WWOX: variants seen among roughly 807,000 people sequenced by gnomAD.
WWOX encodes the protein WW domain-containing oxidoreductase.
Under a neutral mutation model 46.2 loss-of-function variants are expected in WWOX, and 69 were observed. That is an observed-to-expected ratio of 1.49 (90% confidence interval 1.23 to 1.82). The LOEUF is 1.82. WWOX is among the 40% of genes most tolerant of loss of function. WWOX has a pLI of 0.00. For missense variants in WWOX, 919 were observed against 542.6 expected (o/e 1.69, Z -6.89); for synonymous variants, 359 against 202.6 (o/e 1.77, Z -6.56).
At chr16:78,787,413 C>T (rs143845318) in intron 8 of WWOX, among the ~76,000 whole-genome samples, 53 of 152,252 alleles carry the variant, frequency 3.5e-4, no homozygotes, top group African/African-American at 1.2e-3. Context: ...TAAATGGAAT[C>T]ACACAATATG....
intron 8 of WWOX, among the ~76,000 whole-genome samples, chr16:78,565,429 C>G (rs1409734857): frequency 6.6e-6 from 1 of 152,210 alleles, no homozygotes; most frequent in African/African-American, 2.4e-5. Flanking sequence ...GCCCCTTCCT[C>G]TGGCTTCAAA....
intron 8 of WWOX, among the ~76,000 whole-genome samples, chr16:78,661,432 T>A (rs941160436): frequency 6.6e-6 from 1 of 152,196 alleles, no homozygotes; most frequent in South Asian, 2.1e-4. Flanking sequence ...ATACATCACA[T>A]TGATTTTCTG....
intron 5 of WWOX, among the ~76,000 whole-genome samples, chr16:78,210,076 T>A (rs1374357252): frequency 6.6e-6 from 1 of 151,880 alleles, no homozygotes; most frequent in South Asian, 2.1e-4. Context: ...GTTGGAAAAA[T>A]GACGTGTGAG....
In WWOX at chr16:78,681,514, G is replaced by C. The variant is rs970938901; in HGVS notation, c.1056+248762G>C. The stretch of plus-strand genomic sequence containing the variant: ...CTTTTAATTATGACTTCAAAAAACA[G>C]GGCTCGTGCCACCCAAGATTTCCTC... On this transcript the variant is annotated intron_variant, in intron 8 of 8. Coordinates refer to ENST00000566780, the MANE Select transcript of WWOX (RefSeq NM_016373.4). 2.0e-5 allele frequency among the ~76,000 whole-genome samples: 3 copies of C among 151,438 alleles called. 1 individual carries two copies. The highest frequency in any genetic ancestry group is 2.9e-5 in the Non-Finnish European group (2 of 67,920).
intron 8 of WWOX, among the ~76,000 whole-genome samples, chr16:79,126,403 T>A (rs1186155759): frequency 1.3e-5 from 2 of 152,158 alleles, no homozygotes; most frequent in Non-Finnish European, 2.9e-5. Context: ...GGTAATTTGA[T>A]CATGGGGGTG....
chr16:78,752,248 T>G (rs2049500413), intron 8 of WWOX, among the ~76,000 whole-genome samples: 1 of 152,242 alleles, frequency 6.6e-6, no homozygotes, highest in African/African-American at 2.4e-5. Flanking sequence ...ATTTTGTCTG[T>G]CAGTGTTAGA....
At chr16:78,735,398 C>A (rs928558541) in intron 8 of WWOX, among the ~76,000 whole-genome samples, 1 of 144,846 alleles carries the variant, frequency 6.9e-6, no homozygotes, top group Non-Finnish European at 1.5e-5. Context: ...CACACAAACA[C>A]ACACACACAC....
chr16:78,800,969 A>G (rs1465330185), intron 8 of WWOX, among the ~76,000 whole-genome samples: 1 of 152,128 alleles, frequency 6.6e-6, no homozygotes, highest in Non-Finnish European at 1.5e-5. Flanking sequence ...AAAAGTGAGC[A>G]TAAATGCAAA....
At chr16:78,490,365 T>C (rs565259898) in intron 8 of WWOX, among the ~76,000 whole-genome samples, 1 of 152,338 alleles carries the variant, frequency 6.6e-6, no homozygotes, top group East Asian at 1.9e-4. Flanking sequence ...TCATGTGTTA[T>C]TCATGTATGT....
chr16:78,103,932 CCAAAGCCCA>C (rs1212337951), intron 1 of WWOX, among the ~76,000 whole-genome samples: 2 of 151,964 alleles, frequency 1.3e-5, no homozygotes, highest in African/African-American at 4.8e-5. Context: ...TCCTAGCACT[CCAAAGCCCA>C]CCAGGGTGGG....
intron 4 of WWOX, among the ~76,000 whole-genome samples, chr16:78,137,650 G>A (rs1389712677): frequency 6.6e-6 from 1 of 152,166 alleles, no homozygotes; most frequent in African/African-American, 2.4e-5. Flanking sequence ...CAGGGAAAAA[G>A]GGTTTGCTTG....
intron 8 of WWOX, among the ~76,000 whole-genome samples, chr16:78,974,863 C>T (rs995052115): frequency 2.6e-5 from 4 of 152,142 alleles, no homozygotes; most frequent in African/African-American, 7.2e-5. Flanking sequence ...GCTTCCTGTC[C>T]ACTGGAGGCC....
intron 5 of WWOX, among the ~76,000 whole-genome samples, chr16:78,306,425 A>G (rs1403427870): frequency 6.6e-6 from 1 of 152,144 alleles, no homozygotes; most frequent in African/African-American, 2.4e-5. Context: ...ACCCTGCATC[A>G]TGGTGTCCAC....
chr16:78,859,030 ATATATATATATATATATATGT>A (rs1567608587), intron 8 of WWOX, among the ~76,000 whole-genome samples: 5 of 30,866 alleles, frequency 1.6e-4, no homozygotes, highest in South Asian at 1.2e-3. Context: ...AAAAAAAAAT[ATATATATATATATATATATGT>A]ATATATATAT....
At chr16:78,543,817 C>T (rs938031016) in intron 8 of WWOX, among the ~76,000 whole-genome samples, 12 of 152,090 alleles carry the variant, frequency 7.9e-5, no homozygotes, top group South Asian at 2.1e-4. Flanking sequence ...TTGCATCTCC[C>T]GCAGGGCCTG....
chr16:78,505,987 G>A (rs569192159), intron 8 of WWOX, among the ~76,000 whole-genome samples: 4 of 152,282 alleles, frequency 2.6e-5, no homozygotes, highest in Admixed American at 6.5e-5. Context: ...GAAATGATCC[G>A]GCAAGAAGAC....
At chr16:78,395,443 A>G (rs1194686156) in intron 6 of WWOX, among the ~76,000 whole-genome samples, 1 of 152,168 alleles carries the variant, frequency 6.6e-6, no homozygotes, top group Admixed American at 6.5e-5. Flanking sequence ...CACTTGAGCC[A>G]GCATGGTGGA....
intron 8 of WWOX, among the ~76,000 whole-genome samples, chr16:79,078,553 G>T (rs6564639): frequency 6.6e-6 from 1 of 152,154 alleles, no homozygotes; most frequent in East Asian, 1.9e-4. Flanking sequence ...GCATAGTACC[G>T]TGTACATTCA....
At chr16:78,856,517 C>G (rs542851913) in intron 8 of WWOX, among the ~76,000 whole-genome samples, 1 of 152,150 alleles carries the variant, frequency 6.6e-6, no homozygotes, top group Admixed American at 6.5e-5. Context: ...GTGGTACACC[C>G]CTGTAATAGC....
Sources: gnomAD v4.1 joint callset for allele counts (sites outside exome capture counted in the v4.1 genomes callset) on GRCh38, gnomAD v4.1.1 for gene constraint, MANE v1.5 for transcripts, NCBI Gene and HGNC (gene_info 2026-07-23, HGNC 2026-07-21) for gene names.